The following LIPE variants were observed in gnomAD, a reference collection of about 807,000 sequenced individuals.
The protein encoded by LIPE is lipase E, hormone sensitive type, also known as hormone-sensitive lipase.
In LIPE, 66 loss-of-function variants were observed where a neutral mutation model predicts 88.5. That is an observed-to-expected ratio of 0.75 (90% CI 0.61 to 0.91). LIPE has a LOEUF of 0.91. Ranked by LOEUF, LIPE falls within the 40% of genes least tolerant of loss-of-function variation. LIPE has a pLI of 0.00. For synonymous variants in LIPE, 570 were observed against 617.5 expected (o/e 0.92, Z 1.14); for missense variants, 1,346 against 1,434.7 (o/e 0.94, Z 1.00).
intron 8 of LIPE, 80 bp from the exon 9 acceptor site, chr19:42,403,111 C>A: frequency 7.2e-7 from 1 of 1,392,066 alleles, no homozygotes; most frequent in Non-Finnish European, 9.6e-7. Context: ...ATGGGAAGGG[C>A]AGTCGCCTGT....
intron 1 of LIPE, chr19:42,423,375 G>T: frequency 1.6e-6 from 2 of 1,270,538 alleles, no homozygotes; most frequent in Non-Finnish European, 2.1e-6. Flanking sequence ...CCCGTAGGAT[G>T]TACGAGGTTC....
At chr19:42,419,104 C>A (rs1187140224) in intron 1 of LIPE, among the ~76,000 whole-genome samples, 1 of 152,068 alleles carries the variant, frequency 6.6e-6, no homozygotes, top group African/African-American at 2.4e-5. Flanking sequence ...CATGGAGAAA[C>A]CCTGTCTCTA....
In LIPE at chr19:42,402,706, C is replaced by T; in HGVS notation, c.2868G>A (p.Gln956=). ...CTATGGGTGAGGAGTAGAGGGGCAT[C>T]TGTGTGGCACCCTGGCTGGAGCGTC... The part of the protein sequence containing the change: ...HPRRSSQGAT[Q]MPLYSSPIVK... The change falls in exon 9 of 10, where the codon CAG becomes CAA. Residue 956 remains glutamine (Q), a synonymous_variant. Transcript: ENST00000244289. The T allele has an allele frequency of 3.3e-6, 5 of 1,535,162 alleles. No individual in the cohort carries two copies. Among genetic ancestry groups the T allele is most frequent in the Non-Finnish European group, 4.4e-6 (5 of 1,137,504 alleles).
chr19:42,407,492 G>C lies in LIPE; in HGVS notation c.1843-24C>G, dbSNP rs1393381209. 6.3e-7 allele frequency: 1 copy of C among 1,599,292 alleles called. No homozygotes were observed. The highest frequency in any genetic ancestry group is 8.5e-7 in the Non-Finnish European group (1 of 1,170,078). On this transcript the variant is annotated intron_variant, in intron 5 of 9. Coordinates refer to ENST00000244289, the MANE Select transcript of LIPE (RefSeq NM_005357.4). The surrounding 1 kb of genome is among the most constrained non-coding windows in gnomAD (Gnocchi z 5.8). ...TCCTGGGGGTGAGGAGGGAGACGGT[G>C]TGTGAGGTTGGGGAGAGCTGGCCAG...
At chr19:42,423,553 T>C (rs1368999623) in intron 1 of LIPE, 2 of 1,237,576 alleles carry the variant, frequency 1.6e-6, no homozygotes, top group East Asian at 5.8e-5. Flanking sequence ...CCCGCGGTCC[T>C]CCCGCGGGGG....
rs944773508 is a variant in LIPE, at chr19:42,406,779, G to T, written c.2138-391C>A. The stretch of plus-strand genomic sequence containing the variant: ...AGAGGGGCTGGGCTGCAAGCTCTGT[G>T]CCCTGGGGCATGGCCACACTCTGCT... On this transcript the variant is annotated intron_variant, in intron 6 of 9. Coordinates refer to ENST00000244289, the MANE Select transcript of LIPE (RefSeq NM_005357.4). This position sits in a 1 kb window ranked among gnomAD's most constrained non-coding sequence, Gnocchi z 5.7. Among the ~76,000 whole-genome samples, 1 of 152,214 alleles carries T rather than the reference G, an allele frequency of 6.6e-6. No homozygotes were observed. Among genetic ancestry groups the T allele is most frequent in the African/African-American group, 2.4e-5 (1 of 41,450 alleles).
chr19:42,407,706 G>T lies in LIPE; in HGVS notation c.1742C>A (p.Ala581Asp). 6.3e-7 allele frequency: 1 copy of T among 1,585,392 alleles called. No individual in the cohort carries two copies. The highest frequency in any genetic ancestry group is 1.2e-5 in the South Asian group (1 of 85,896). The change falls in exon 5 of 10, where the codon GCC becomes GAC. Residue 581 changes from alanine to aspartate, a missense_variant. By Grantham distance (126) the Ala-to-Asp change is moderately radical. Coordinates refer to ENST00000244289, the MANE Select transcript of LIPE (RefSeq NM_005357.4). This position sits in a 1 kb window ranked among gnomAD's most constrained non-coding sequence, Gnocchi z 5.8. ...GATGGTGACCGTGAGCGTGGGGTCG[G>T]CAGTCAGTGGCATCTCAAAGGCTTC... ...PPEAFEMPLT[A>D]DPTLTVTISP...
At chr19:42,413,620 C>T (rs975580302) in intron 1 of LIPE, among the ~76,000 whole-genome samples, 2 of 152,176 alleles carry the variant, frequency 1.3e-5, no homozygotes, top group Admixed American at 6.5e-5. Context: ...GAGCCAAGAT[C>T]GTGCCACTGC....
intron 1 of LIPE, chr19:42,423,468 C>T (rs2040641820): frequency 1.6e-6 from 2 of 1,288,892 alleles, no homozygotes; most frequent in African/African-American, 3.0e-5. Context: ...TCCTTGAGCC[C>T]TCTTTGGCAT....
At position 42,420,433 on chromosome 19, in the gene LIPE, T is replaced by C. The variant is rs143291918; in HGVS notation, c.883+5834A>G. 5.4e-4 allele frequency among the ~76,000 whole-genome samples: 83 copies of C among 152,306 alleles called. 1 individual carries two copies. The East Asian group carries it at 0.015, about 28-fold the overall frequency. ...GTGAATGTATCTGTGTCTCTGTTTC[T>C]CTTGGCCTGTGAGCTTGTGTGGGCG... On this transcript the variant is annotated intron_variant, in intron 1 of 9. Coordinates refer to ENST00000244289, the MANE Select transcript of LIPE (RefSeq NM_005357.4).
Position 42,426,471 on chromosome 19 carries a change from C to A in LIPE, c.679G>T (p.Glu227Ter), listed in dbSNP as rs1163364110. 1.9e-6 allele frequency: 3 copies of A among 1,614,148 alleles called. No individual in the cohort carries two copies. The highest frequency in any genetic ancestry group is 3.3e-5 in the Admixed American group (2 of 60,018). Residue 227 changes from glutamate (E) to a stop codon, truncating the protein, a stop_gained, in exon 1 of 10, where the codon GAG becomes TAG. Transcript: ENST00000244289. LOFTEE classifies it high-confidence loss of function. ...RSALEWKALS[E>*]WVTDSESESD... Reference sequence around the variant, plus strand: ...TCTGACTCAGAATCTGTGACCCACTCAGAAAGTGCCTTCCACTCTAGGGCT... The same window carrying A: ...TCTGACTCAGAATCTGTGACCCACTAAGAAAGTGCCTTCCACTCTAGGGCT...
rs760574573 is a variant in LIPE, at chr19:42,402,834, GTA to G, written c.2738_2739del (p.Leu913SerfsTer3). Reference protein sequence around the residue: ...PSTPSDVNFLLPPEDAGEEAE... With the variant: ...PSTPSDVNFLXPPEDAGEEAE... Reference sequence around the variant, plus strand: ...GCCTCTTCCCCTGCATCCTCAGGTGGTAATAAGAAGTTGACATCGGAGGGTGT... The same window carrying G: ...GCCTCTTCCCCTGCATCCTCAGGTGGATAAGAAGTTGACATCGGAGGGTGT... On this transcript the variant is annotated frameshift_variant, in exon 9 of 10. Coordinates refer to ENST00000244289, the MANE Select transcript of LIPE (RefSeq NM_005357.4). LOFTEE classifies it high-confidence loss of function. 52 of 1,613,658 alleles carry G rather than the reference GTA, an allele frequency of 3.2e-5. No individual in the cohort carries two copies. In the South Asian group the frequency reaches 5.6e-4, roughly 17 times the overall value.
At chr19:42,420,450 G>A (rs977987372) in intron 1 of LIPE, among the ~76,000 whole-genome samples, 7 of 152,108 alleles carry the variant, frequency 4.6e-5, no homozygotes, top group Admixed American at 3.3e-4. Flanking sequence ...CTGTGAGCTT[G>A]TGTGGGCGTG....
intron 8 of LIPE, among the ~76,000 whole-genome samples, chr19:42,403,538 C>G (rs1168353806): frequency 2.0e-5 from 3 of 151,428 alleles, no homozygotes. Context: ...ACCTCCACCT[C>G]CCAGGTTCAA....
Position 42,406,193 on chromosome 19 carries a change from C to G in LIPE, c.2333G>C (p.Ser778Thr), listed in dbSNP as rs2040177586. 6.2e-7 allele frequency: 1 copy of G among 1,613,030 alleles called. No homozygotes were observed. Among genetic ancestry groups the G allele is most frequent in the Admixed American group, 1.7e-5 (1 of 59,970 alleles). Residue 778 changes from serine (S) to threonine (T), a missense_variant, in exon 7 of 10, where the codon AGT (serine) becomes ACT (threonine). Transcript: ENST00000244289. The surrounding 1 kb of genome is among the most constrained non-coding windows in gnomAD (Gnocchi z 5.7). ...GGCGCTGACACACTTGGAGAGCACA[C>G]TGAGGGGCAGCAAGGGGTCCATGAG... ...LSLMDPLLPL[S>T]VLSKCVSAYA... is the part of the protein sequence containing the mutation.
Position 42,401,762 on chromosome 19 carries a change from C to A in LIPE, c.*50G>T. 7.4e-7 allele frequency: 1 copy of A among 1,346,298 alleles called. No homozygotes were observed. Among genetic ancestry groups the A allele is most frequent in the Non-Finnish European group, 9.6e-7 (1 of 1,036,452 alleles). The allele number at this position is 1,346,298 out of a possible 1,614,324, so 83.4% of individuals were successfully genotyped here. ...ACAGCCCGCGTCCCCTTCCGCCCGGCCCGGAAGGCATTCATGACGGAGGCC... is the reference window on the plus strand; with the variant it reads ...ACAGCCCGCGTCCCCTTCCGCCCGGACCGGAAGGCATTCATGACGGAGGCC... On this transcript the variant is annotated 3_prime_UTR_variant, in exon 10 of 10. Coordinates refer to ENST00000244289, the MANE Select transcript of LIPE (RefSeq NM_005357.4).
Position 42,408,058 on chromosome 19 carries a change from G to T in LIPE, c.1574C>A (p.Ala525Asp). ...RFAIDPELRG[A>D]EFERITQNLD... ...GTTCTGTGTGATCCGCTCAAACTCA[G>T]CCCCACGCAGCTCGGGGTCGATGGC... Residue 525 changes from alanine to aspartate, a missense_variant, in exon 4 of 10, where the codon GCT (alanine) becomes GAT (aspartate). Coordinates refer to ENST00000244289, the MANE Select transcript of LIPE (RefSeq NM_005357.4). This position sits in a 1 kb window ranked among gnomAD's most constrained non-coding sequence, Gnocchi z 4.3. 1 of 1,613,870 alleles carries T rather than the reference G, an allele frequency of 6.2e-7. No homozygotes were observed. The highest frequency in any genetic ancestry group is 8.5e-7 in the Non-Finnish European group (1 of 1,179,892).
At chr19:42,422,774 G>C (rs1342136845) in intron 1 of LIPE, among the ~76,000 whole-genome samples, 1 of 152,208 alleles carries the variant, frequency 6.6e-6, no homozygotes, top group East Asian at 1.9e-4. Flanking sequence ...GCTGAGGCAG[G>C]TGTGGAGGTC....
chr19:42,406,402 G>C lies in LIPE; in HGVS notation c.2138-14C>G. 6.2e-7 allele frequency: 1 copy of C among 1,605,468 alleles called. No homozygotes were observed. The highest frequency in any genetic ancestry group is 8.5e-7 in the Non-Finnish European group (1 of 1,172,672). On this transcript the variant is annotated splice_polypyrimidine_tract_variant and intron_variant, in intron 6 of 9. Transcript: ENST00000244289. This position sits in a 1 kb window ranked among gnomAD's most constrained non-coding sequence, Gnocchi z 5.7. The stretch of plus-strand genomic sequence containing the variant: ...CCCCTGTTGAGCCTGGTTTGGGAGA[G>C]GGGTGGTTGGTGACAACCTGGCAGG...
Sources: allele counts gnomAD v4.1 joint callset (sites outside exome capture counted in the v4.1 genomes callset), GRCh38; gene constraint gnomAD v4.1.1; non-coding constraint Gnocchi (gnomAD v3.1); transcripts MANE v1.5; gene names NCBI Gene and HGNC (gene_info 2026-07-23, HGNC 2026-07-21).